The following FAAH2 variants were observed in gnomAD, a reference collection of about 807,000 sequenced individuals.
FAAH2 encodes fatty-acid amide hydrolase 2.
FAAH2 carries 60 observed loss-of-function variants against 36.9 expected under a neutral mutation model. The ratio of observed to expected loss-of-function variants is 1.63; its 90% confidence interval spans 1.32 to 2.02. FAAH2 has a LOEUF of 2.02. FAAH2 is among the 30% of genes most tolerant of loss of function. FAAH2 has a pLI of 0.00. For synonymous variants in FAAH2, 214 were observed against 143.8 expected (o/e 1.49, Z -3.49); for missense variants, 689 against 397.5 (o/e 1.73, Z -6.23).
chrX:57,333,319 A>C (rs140675445), intron 4 of FAAH2, among the ~76,000 whole-genome samples: 3 of 111,647 alleles, frequency 2.7e-5, no homozygotes, highest in African/African-American at 9.8e-5. Flanking sequence ...TTAAAGGCCA[A>C]ATACCCCCAG....
intron 2 of FAAH2, among the ~76,000 whole-genome samples, chrX:57,310,255 C>T (rs372930018): frequency 2.8e-4 from 31 of 111,770 alleles, no homozygotes; most frequent in Middle Eastern, 4.6e-3. Flanking sequence ...ATGGCCTTTA[C>T]GCAACACCAC....
the FAAH2 span, among the ~76,000 whole-genome samples, chrX:57,248,579 C>A: frequency 4.6e-5 from 5 of 108,504 alleles, no homozygotes; most frequent in Admixed American, 2.0e-4. Flanking sequence ...CATGGAAAAA[C>A]CCCATTTCTA....
chrX:57,447,414 G>A (rs1412982695), intron 9 of FAAH2, among the ~76,000 whole-genome samples: 1 of 111,846 alleles, frequency 8.9e-6, no homozygotes, highest in Non-Finnish European at 1.9e-5. Context: ...ACTAGGCAGT[G>A]CTCCAGTGGG....
chrX:57,152,829 G>A, the FAAH2 span, among the ~76,000 whole-genome samples: 1 of 111,187 alleles, frequency 9.0e-6, no homozygotes, highest in African/African-American at 3.3e-5. Flanking sequence ...ACCTCAGATG[G>A]AAATGCAGAA....
At chrX:57,454,582 G>T (rs961288952) in intron 10 of FAAH2, among the ~76,000 whole-genome samples, 8 of 111,723 alleles carry the variant, frequency 7.2e-5, no homozygotes, top group Non-Finnish European at 1.5e-4. Flanking sequence ...GTAGCTGAAA[G>T]ATAAAATATC....
At chrX:57,394,611 T>C in intron 7 of FAAH2, 1 of 1,135,390 alleles carries the variant, frequency 8.8e-7, no homozygotes, top group Non-Finnish European at 1.2e-6. Flanking sequence ...ATTGCAACCG[T>C]CATGAGCCCT....
the FAAH2 span, among the ~76,000 whole-genome samples, chrX:57,220,725 T>A: frequency 8.9e-6 from 1 of 112,054 alleles, no homozygotes; most frequent in South Asian, 3.7e-4. Flanking sequence ...ATTTCAAGTG[T>A]GGCAATGAAG....
rs533727006 is a variant in FAAH2, at chrX:57,466,160, A to C, written c.1423+17442A>C. Among the ~76,000 whole-genome samples, 276 of 88,539 alleles carry C rather than the reference A, an allele frequency of 3.1e-3. 1 individual carries two copies. The highest frequency in any genetic ancestry group is 0.01 in the African/African-American group (240 of 22,920). 76.9% of individuals were successfully genotyped at this position (88,539 alleles called of 115,157 possible). A position where few individuals can be genotyped will look rare whatever the true frequency, so the allele number is the denominator to read the frequency against. On this transcript the variant is annotated intron_variant, in intron 10 of 10. Coordinates refer to ENST00000374900, the MANE Select transcript of FAAH2 (RefSeq NM_174912.4). ...TCTCTCTCTCTCTCTCTCTCTCTAT[A>C]TATATATATATATATATATACCCAC...
At chrX:57,386,144 G>A (rs914203393) in intron 7 of FAAH2, among the ~76,000 whole-genome samples, 1 of 111,153 alleles carries the variant, frequency 9.0e-6, no homozygotes, top group Non-Finnish European at 1.9e-5. Flanking sequence ...CGTGTATTAA[G>A]ATAGCTTCAC....
chrX:57,268,280 G>C, the FAAH2 span, among the ~76,000 whole-genome samples: 4 of 111,061 alleles, frequency 3.6e-5, no homozygotes, highest in African/African-American at 6.5e-5. Flanking sequence ...TCTAAAATAA[G>C]GCAGGCAGAC....
chrX:57,152,441 T>A, the FAAH2 span, among the ~76,000 whole-genome samples: 1 of 112,590 alleles, frequency 8.9e-6, no homozygotes, highest in African/African-American at 3.2e-5. Context: ...CCCAGCTGCT[T>A]TGTTTACCTA....
intron 7 of FAAH2, among the ~76,000 whole-genome samples, chrX:57,420,063 T>G (rs1392739150): frequency 1.8e-5 from 2 of 111,611 alleles, no homozygotes; most frequent in Admixed American, 9.5e-5. Flanking sequence ...GCTCTGTTCT[T>G]TTCCATTGAT....
chrX:57,291,158 T>C (rs772454616), intron 1 of FAAH2, among the ~76,000 whole-genome samples: 11 of 111,972 alleles, frequency 9.8e-5, no homozygotes, highest in Non-Finnish European at 1.7e-4. Flanking sequence ...AATTCTTGGA[T>C]ATATCCTCAC....
intron 1 of FAAH2, among the ~76,000 whole-genome samples, chrX:57,291,302 A>G (rs1473493954): frequency 1.8e-5 from 2 of 112,344 alleles, no homozygotes; most frequent in African/African-American, 3.2e-5. Context: ...ACAGAAAAGT[A>G]TATGACTGTT....
At chrX:57,399,710 T>C (rs1398164606) in intron 7 of FAAH2, among the ~76,000 whole-genome samples, 3 of 112,465 alleles carry the variant, frequency 2.7e-5, no homozygotes, top group African/African-American at 9.7e-5. Flanking sequence ...TTCCTGATGT[T>C]TGATAGGTGT....
At chrX:57,222,972 A>G in the FAAH2 span, among the ~76,000 whole-genome samples, 1 of 111,276 alleles carries the variant, frequency 9.0e-6, no homozygotes, top group African/African-American at 3.3e-5. Context: ...CCACCTCTAA[A>G]AAAGCTGAAC....
At chrX:57,480,789 G>T (rs757002935) in intron 10 of FAAH2, among the ~76,000 whole-genome samples, 1 of 111,088 alleles carries the variant, frequency 9.0e-6, no homozygotes, top group Non-Finnish European at 1.9e-5. Context: ...GGCCTGTCTT[G>T]CTAGGTTGGG....
chrX:57,146,778 C>T, the FAAH2 span, among the ~76,000 whole-genome samples: 1 of 111,751 alleles, frequency 8.9e-6, no homozygotes, highest in Non-Finnish European at 1.9e-5. Context: ...TCATAAAGTG[C>T]TGCTGGCTTT....
chrX:57,196,898 C>T, the FAAH2 span, among the ~76,000 whole-genome samples: 2 of 110,922 alleles, frequency 1.8e-5, no homozygotes, highest in African/African-American at 6.6e-5. Context: ...GTTCTTTGAG[C>T]TTCTTGTATT....
Sources: gnomAD v4.1 joint callset for allele counts (sites outside exome capture counted in the v4.1 genomes callset) on GRCh38, gnomAD v4.1.1 for gene constraint, MANE v1.5 for transcripts, NCBI Gene and HGNC (gene_info 2026-07-23, HGNC 2026-07-21) for gene names.